Variants in DOK3 observed in about 807,000 individuals in gnomAD.
The protein encoded by DOK3 is docking protein 3, also known as Dok-like protein.
In DOK3, 23 loss-of-function variants were observed where a neutral mutation model predicts 26.2. That is an observed-to-expected ratio of 0.88 (90% confidence interval 0.63 to 1.24). The LOEUF is 1.24. DOK3 is among the 50% of genes most tolerant of loss of function. The pLI is 0.00. For synonymous variants in DOK3, 268 were observed against 268.2 expected, an observed-to-expected ratio of 1.00 and a Z score of 0.01; for missense variants, 619 against 610.6, an observed-to-expected ratio of 1.01 and a Z score of -0.15.
rs368434055 is a variant in DOK3 at position 177,509,673 on chromosome 5, A to C, written c.-117-16T>G. 56 of 1,589,754 alleles carry C rather than the reference A, an allele frequency of 3.5e-5. No homozygotes were observed. The African/African-American group carries it at 7.0e-4, about 20-fold the overall frequency. ...CTAGAGACAGCTGCAGGCCGGGGGG[A>C]GGGGAGCCTGTCTTCAGCTCAGGGG... On this transcript the variant is annotated splice_polypyrimidine_tract_variant and intron_variant, in intron 1 of 5. Transcript: ENST00000510898.
intron 3 of DOK3, 110 bp from the exon 4 acceptor site, chr5:177,505,220 T>C (rs1759955571): frequency 3.0e-6 from 3 of 996,110 alleles, no homozygotes; most frequent in Non-Finnish European, 4.4e-6. Context: ...GGGCCTGGGC[T>C]CCAGTTCCAG....
At chr5:177,509,876 C>T (rs777664478), upstream of DOK3, 48 of 1,608,732 alleles carry the variant, frequency 3.0e-5, no homozygotes, top group African/African-American at 2.7e-4. Flanking sequence ...TCCCCCGTCC[C>T]GCCCCGGGCA....
At position 177,504,503 on chromosome 5, in the gene DOK3, G is replaced by A. The variant is rs371491459; in HGVS notation, c.803C>T (p.Pro268Leu). Reference sequence around the variant, plus strand: ...GGGCAGAGAGGTGGCCCGTGGCAGGGGGCAGGGCTGGGGCCTGGTCAGCTC... The same window carrying A: ...GGGCAGAGAGGTGGCCCGTGGCAGGAGGCAGGGCTGGGGCCTGGTCAGCTC... ...LPELTRPQPCPLPRATSLPSL... is the reference protein window; with the variant it reads ...LPELTRPQPCLLPRATSLPSL... Residue 268 changes from proline to leucine, a missense_variant, in exon 6 of 6, where the codon CCC (proline) becomes CTC (leucine). Coordinates refer to ENST00000510898, the MANE Select transcript of DOK3 (RefSeq NM_001308236.3). 161 of 1,587,588 alleles carry A rather than the reference G, an allele frequency of 1.0e-4. No homozygotes were observed. The African/African-American group carries it at 1.8e-3, about 18-fold the overall frequency.
chr5:177,505,109 C>T lies in DOK3; in HGVS notation c.374G>A (p.Gly125Glu). The T allele has an allele frequency of 2.5e-6, 4 of 1,603,734 alleles. No homozygotes were observed. In the East Asian group the frequency reaches 6.7e-5, roughly 27 times the overall value. Residue 125 changes from glycine to glutamate, a missense_variant and splice_region_variant, in exon 4 of 6, where the codon GGG becomes GAG. Coordinates refer to ENST00000510898, the MANE Select transcript of DOK3 (RefSeq NM_001308236.3). ...MGPICQLAFP[G>E]TGEASSGSTD... ...GGATCCTGAGGAGGCCTCCCCTGTC[C>T]CCTGGGGAATGAGTTCAAGTCAAAG... is the stretch of plus-strand genomic sequence containing the variant.
rs544967288 is a variant in DOK3 at position 177,509,798 on chromosome 5, G to A, written c.-158C>T. ...GGCCACCTGAAGGCAGCCTTCTCAC[G>A]CACCTGGTTCAGCTGGGCACGCGCG... On this transcript the variant is annotated 5_prime_UTR_variant, in exon 1 of 6. Coordinates refer to ENST00000510898, the MANE Select transcript of DOK3 (RefSeq NM_001308236.3). The A allele has an allele frequency of 1.6e-5, 26 of 1,611,886 alleles. No individual in the cohort carries two copies. The highest frequency in any genetic ancestry group is 2.1e-4 in the Middle Eastern group (1 of 4,860).
At chr5:177,507,651 A>G (rs536230373) in intron 3 of DOK3, among the ~76,000 whole-genome samples, 1 of 152,222 alleles carries the variant, frequency 6.6e-6, no homozygotes, top group East Asian at 1.9e-4. Context: ...GCCACATGGT[A>G]ACTCTGTTTA....
In DOK3 at chr5:177,508,545, GC is replaced by G; in HGVS notation, c.67-4del. 2 of 1,534,078 alleles carry G rather than the reference GC, an allele frequency of 1.3e-6. No individual in the cohort carries two copies. Among genetic ancestry groups the G allele is most frequent in the Admixed American group, 1.9e-5 (1 of 52,772 alleles). ...GCCCACACCTTCCGCCAGCACTTCTGCGGGAGGGGAGCGGGAGGGTGAAGAC... is the reference window on the plus strand; with the variant it reads ...GCCCACACCTTCCGCCAGCACTTCTGGGGAGGGGAGCGGGAGGGTGAAGAC... On this transcript the variant is annotated splice_region_variant and splice_polypyrimidine_tract_variant and intron_variant, in intron 2 of 5. Transcript: ENST00000510898.
intron 3 of DOK3, among the ~76,000 whole-genome samples, chr5:177,506,332 C>CTTTTTTTT (rs56332126): frequency 7.1e-6 from 1 of 140,984 alleles, no homozygotes. Flanking sequence ...AACCATCTTA[C>CTTTTTTTT]TTTTTTTTTT....
In DOK3 at chr5:177,504,566, A is replaced by G; in HGVS notation, c.740T>C (p.Val247Ala). 1.2e-6 allele frequency: 2 copies of G among 1,601,026 alleles called. No individual in the cohort carries two copies. The highest frequency in any genetic ancestry group is 1.3e-5 in the African/African-American group (1 of 74,922). ...TPCAPDLCRA[V>A]AGAIARQRER... ...CCGCTGGCGGGCGATGGCCCCGGCC[A>G]CAGCCCTGCACAGGTCAGGGGCACA... is the stretch of plus-strand genomic sequence containing the variant. The change falls in exon 6 of 6, where the codon GTG (valine) becomes GCG (alanine). Residue 247 changes from valine to alanine, a missense_variant. By Grantham distance (64) the Val-to-Ala change is moderately conservative. Coordinates refer to ENST00000510898, the MANE Select transcript of DOK3 (RefSeq NM_001308236.3).
intron 3 of DOK3, among the ~76,000 whole-genome samples, chr5:177,507,353 G>A (rs1039343131): frequency 1.1e-4 from 16 of 152,028 alleles, no homozygotes; most frequent in Admixed American, 1.0e-3. Flanking sequence ...ATTCCATCTT[G>A]CGGACGGACC....
In DOK3 at chr5:177,504,738, C is replaced by T. The variant is rs750602975; in HGVS notation, c.645+5G>A. On this transcript the variant is annotated splice_donor_5th_base_variant and intron_variant, in intron 5 of 5. Coordinates refer to ENST00000510898, the MANE Select transcript of DOK3 (RefSeq NM_001308236.3). Reference sequence around the variant, plus strand: ...CCCTCACCCTTTCCCACCCCTGCACCTCACCTTGTCGGAGCCGAACTTGCG... The same window carrying T: ...CCCTCACCCTTTCCCACCCCTGCACTTCACCTTGTCGGAGCCGAACTTGCG... The T allele has an allele frequency of 1.9e-6, 3 of 1,614,026 alleles. No homozygotes were observed. Among genetic ancestry groups the T allele is most frequent in the Non-Finnish European group, 2.5e-6 (3 of 1,179,924 alleles).
Position 177,503,491 on chromosome 5 carries a change from G to A in DOK3, c.*492C>T. 1 of 1,448,464 alleles carries A rather than the reference G, an allele frequency of 6.9e-7. No homozygotes were observed. 89.7% of individuals were successfully genotyped at this position (1,448,464 alleles called of 1,614,324 possible). A position where few individuals can be genotyped will look rare whatever the true frequency, so the allele number is the denominator to read the frequency against. On this transcript the variant is annotated 3_prime_UTR_variant, in exon 6 of 6. Transcript: ENST00000510898. ...ACCCCGCCCCCACTGCCTCCTCCCAGCTCGGGCCTCCGGGTCTCCAGTTGG... is the reference window on the plus strand; with the variant it reads ...ACCCCGCCCCCACTGCCTCCTCCCAACTCGGGCCTCCGGGTCTCCAGTTGG...
intron 3 of DOK3, among the ~76,000 whole-genome samples, chr5:177,505,395 T>C (rs1759984611): frequency 6.6e-6 from 1 of 152,288 alleles, no homozygotes; most frequent in South Asian, 2.1e-4. Flanking sequence ...GCCCCTGGGC[T>C]TGGCTGGGCC....
At chr5:177,505,798 G>T (rs573995304) in intron 3 of DOK3, among the ~76,000 whole-genome samples, 2 of 151,528 alleles carry the variant, frequency 1.3e-5, no homozygotes, top group Non-Finnish European at 2.9e-5. Flanking sequence ...GTGCAGTGGC[G>T]CGATCTTGGC....
Position 177,508,410 on chromosome 5 carries a change from C to T in DOK3, c.199G>A (p.Gly67Arg). Residue 67 changes from glycine (G) to arginine (R), a missense_variant, in exon 3 of 6, where the codon GGG becomes AGG. Gly to Arg is a moderately radical substitution (Grantham distance 125). Transcript: ENST00000510898. Reference protein sequence around the residue: ...GDRSAGPGRRGERRVIRLADC... With the variant: ...GDRSAGPGRRRERRVIRLADC... ...GCCAGGCGGATGACCCGTCGCTCCC[C>T]TCGCCGGCCAGGCCCTGCCGACCTG... 1 of 1,603,388 alleles carries T rather than the reference C, an allele frequency of 6.2e-7. No individual in the cohort carries two copies. The highest frequency in any genetic ancestry group is 1.7e-5 in the Admixed American group (1 of 59,578).
rs770491264 is a variant in DOK3, at chr5:177,503,632, G to A, written c.*351C>T. On this transcript the variant is annotated 3_prime_UTR_variant, in exon 6 of 6. Coordinates refer to ENST00000510898, the MANE Select transcript of DOK3 (RefSeq NM_001308236.3). ...ATGGAGTCCTAATGATTTCCATCCC[G>A]TCTGTCTGCTGCAGTGGGTTTGAGC... is the stretch of plus-strand genomic sequence containing the variant. 63 of 1,298,792 alleles carry A rather than the reference G, an allele frequency of 4.9e-5. No homozygotes were observed. The highest frequency in any genetic ancestry group is 6.2e-5 in the Admixed American group (2 of 32,204). The allele number at this position is 1,298,792 out of a possible 1,614,324, so 80.5% of individuals were successfully genotyped here.
rs762607060 is a variant in DOK3 at position 177,509,671 on chromosome 5, G to A, written c.-117-14C>T. ...GTCTAGAGACAGCTGCAGGCCGGGG[G>A]GAGGGGAGCCTGTCTTCAGCTCAGG... On this transcript the variant is annotated splice_polypyrimidine_tract_variant and intron_variant, in intron 1 of 5. Coordinates refer to ENST00000510898, the MANE Select transcript of DOK3 (RefSeq NM_001308236.3). The A allele has an allele frequency of 6.3e-7, 1 of 1,591,832 alleles. No individual in the cohort carries two copies. Among genetic ancestry groups the A allele is most frequent in the African/African-American group, 1.3e-5 (1 of 74,670 alleles).
Position 177,503,183 on chromosome 5 carries a change from C to T in DOK3, c.*800G>A. On this transcript the variant is annotated 3_prime_UTR_variant, in exon 6 of 6. Transcript: ENST00000510898. ...AGGAGCAGGAGCAGAGGAGGGAACG[C>T]AGCATGGAAGTCTTCAGGAAACTTC... 6.4e-7 allele frequency: 1 copy of T among 1,551,586 alleles called. No individual in the cohort carries two copies. Among genetic ancestry groups the T allele is most frequent in the South Asian group, 1.2e-5 (1 of 84,064 alleles).
rs1760448728 is a variant in DOK3, at chr5:177,508,106, A to G, written c.372+131T>C. On this transcript the variant is annotated intron_variant, in intron 3 of 5. Coordinates refer to ENST00000510898, the MANE Select transcript of DOK3 (RefSeq NM_001308236.3). The stretch of plus-strand genomic sequence containing the variant: ...TGGCACGCACGGCCCTCTGAGAGTC[A>G]TTATAGATTTACTTTTCCCAGGCTT... 2.6e-6 allele frequency: 3 copies of G among 1,170,938 alleles called. No individual in the cohort carries two copies. The South Asian group carries it at 5.5e-5, about 21-fold the overall frequency. 72.5% of individuals were successfully genotyped at this position (1,170,938 alleles called of 1,614,324 possible).
Sources: gnomAD v4.1 joint callset for allele counts (sites outside exome capture counted in the v4.1 genomes callset) on GRCh38, gnomAD v4.1.1 for gene constraint, MANE v1.5 for transcripts, NCBI Gene and HGNC (gene_info 2026-07-23, HGNC 2026-07-21) for gene names.